The following HSD17B3 variants were observed in gnomAD, a reference collection of about 807,000 sequenced individuals.
HSD17B3 encodes 17-beta-hydroxysteroid dehydrogenase type 3.
Under a neutral mutation model 41.1 loss-of-function variants are expected in HSD17B3, and 29 were observed. The observed-to-expected ratio is 0.71, with a 90% CI of 0.53 to 0.96. HSD17B3 has a LOEUF of 0.96. HSD17B3 is among the 40% of genes least tolerant of loss of function. The pLI is 0.00. For missense variants in HSD17B3, 323 were observed against 374.6 expected, an observed-to-expected ratio of 0.86 and a Z score of 1.14; for synonymous variants, 126 against 145.6, an observed-to-expected ratio of 0.87 and a Z score of 0.97.
chr9:96,261,996 T>C (rs1825878300), intron 2 of HSD17B3, among the ~76,000 whole-genome samples: 1 of 152,150 alleles, frequency 6.6e-6, no homozygotes, highest in Non-Finnish European at 1.5e-5. Context: ...TGTTTGCATC[T>C]GAAAGTGACC....
At chr9:96,259,358 C>T (rs1379470512) in intron 2 of HSD17B3, among the ~76,000 whole-genome samples, 2 of 152,142 alleles carry the variant, frequency 1.3e-5, no homozygotes, top group Non-Finnish European at 2.9e-5. Flanking sequence ...GGTTCAATTC[C>T]TGTCTCTACC....
intron 2 of HSD17B3, among the ~76,000 whole-genome samples, chr9:96,294,152 C>T (rs954684549): frequency 1.3e-4 from 20 of 152,110 alleles, no homozygotes; most frequent in Admixed American, 5.9e-4. Flanking sequence ...CAATGGCTCA[C>T]GCCCATAATC....
chr9:96,262,787 T>A (rs1419143535), intron 2 of HSD17B3, among the ~76,000 whole-genome samples: 1 of 152,184 alleles, frequency 6.6e-6, no homozygotes, highest in Non-Finnish European at 1.5e-5. Flanking sequence ...TAATATTGCT[T>A]CCATTCCTTT....
chr9:96,267,530 G>A (rs182172342), intron 2 of HSD17B3, among the ~76,000 whole-genome samples: 7 of 151,952 alleles, frequency 4.6e-5, no homozygotes, highest in African/African-American at 9.7e-5. Flanking sequence ...AAAAGAACAC[G>A]CTGCTCCACA....
In HSD17B3 at chr9:96,235,459, GC is replaced by G. The variant is rs755928753; in HGVS notation, c.933del (p.Ter311TyrfsTer19). 10 of 1,608,936 alleles carry G rather than the reference GC, an allele frequency of 6.2e-6. No individual in the cohort carries two copies. The highest frequency in any genetic ancestry group is 8.5e-6 in the Non-Finnish European group (10 of 1,175,876). ...AYLKLNTKVR[*>X] is the part of the protein sequence containing the mutation. ...GTTGTGCTGGACTCCTCACCGCCTG[GC>G]TACCTGACCTTGGTGTTGAGCTTCA... On this transcript the variant is annotated frameshift_variant and stop_lost, in exon 11 of 11. Transcript: ENST00000375263. LOFTEE classifies it high-confidence loss of function.
chr9:96,270,178 T>C (rs1253118291), intron 2 of HSD17B3, among the ~76,000 whole-genome samples: 1 of 152,006 alleles, frequency 6.6e-6, no homozygotes, highest in Admixed American at 6.6e-5. Flanking sequence ...CAGGACTGAT[T>C]TTATCATTTT....
chr9:96,284,520 C>A (rs540748648), intron 2 of HSD17B3, among the ~76,000 whole-genome samples: 37 of 152,300 alleles, frequency 2.4e-4, no homozygotes, highest in Non-Finnish European at 4.6e-4. Context: ...ATTAGAGAAA[C>A]TGGTTATTTT....
chr9:96,269,271 T>G (rs1826151634), intron 2 of HSD17B3, among the ~76,000 whole-genome samples: 1 of 152,168 alleles, frequency 6.6e-6, no homozygotes, highest in South Asian at 2.1e-4. Context: ...GGACCACCAT[T>G]GTATATGCAG....
In HSD17B3 at chr9:96,238,696, T is replaced by C. The variant is rs990577667; in HGVS notation, c.822+2062A>G. Among the ~76,000 whole-genome samples, 3 of 151,616 alleles carry C rather than the reference T, an allele frequency of 2.0e-5. No individual in the cohort carries two copies. In the East Asian group the frequency reaches 5.8e-4, roughly 29 times the overall value. ...ATCTGTAATTTTTCTTTCCTGGAGA[T>C]AGTGGGAAGTGGGAGGAGAGAAAGA... On this transcript the variant is annotated intron_variant, in intron 10 of 10. Coordinates refer to ENST00000375263, the MANE Select transcript of HSD17B3 (RefSeq NM_000197.2).
intron 2 of HSD17B3, among the ~76,000 whole-genome samples, chr9:96,261,237 A>T (rs931119424): frequency 1.3e-5 from 2 of 152,248 alleles, no homozygotes; most frequent in African/African-American, 4.8e-5. Flanking sequence ...TTCAGGCAGT[A>T]GAAATGTAAG....
chr9:96,243,989 A>G (rs907764250), intron 9 of HSD17B3, among the ~76,000 whole-genome samples: 4 of 152,212 alleles, frequency 2.6e-5, no homozygotes, highest in African/African-American at 9.6e-5. Flanking sequence ...AGGGTCAGAG[A>G]GGAAAAGCCA....
chr9:96,279,913 G>C (rs1480883819), intron 2 of HSD17B3, among the ~76,000 whole-genome samples: 1 of 152,066 alleles, frequency 6.6e-6, no homozygotes, highest in Non-Finnish European at 1.5e-5. Context: ...GGGACTATAA[G>C]CGCCCGCCAC....
In HSD17B3 at chr9:96,264,940, T is replaced by C. The variant is rs1825998927; in HGVS notation, c.202-9997A>G. On this transcript the variant is annotated intron_variant, in intron 2 of 10. Coordinates refer to ENST00000375263, the MANE Select transcript of HSD17B3 (RefSeq NM_000197.2). ...CTGACAAAATAGTTTTATATTTTTA[T>C]GTTAAATTGTTAAAGAAAACTTTAT... 2.0e-5 allele frequency among the ~76,000 whole-genome samples: 3 copies of C among 152,224 alleles called. No homozygotes were observed. The South Asian group carries it at 6.2e-4, about 32-fold the overall frequency.
At chr9:96,258,924 C>T (rs1035824636) in intron 2 of HSD17B3, among the ~76,000 whole-genome samples, 1 of 152,150 alleles carries the variant, frequency 6.6e-6, no homozygotes, top group East Asian at 1.9e-4. Flanking sequence ...CTGTTTCTGT[C>T]TTATGTAGCA....
intron 2 of HSD17B3, among the ~76,000 whole-genome samples, chr9:96,293,708 C>T (rs1053031938): frequency 6.6e-6 from 1 of 151,494 alleles, no homozygotes; most frequent in African/African-American, 2.4e-5. Context: ...CTGTTTCTCT[C>T]GAGAACCATG....
chr9:96,240,860 A>G lies in HSD17B3; in HGVS notation c.720T>C (p.Asn240=). 1.2e-6 allele frequency: 2 copies of G among 1,614,206 alleles called. No homozygotes were observed. Among genetic ancestry groups the G allele is most frequent in the East Asian group, 4.5e-5 (2 of 44,890 alleles). Residue 240 remains asparagine (N), a synonymous_variant, in exon 10 of 11, where the codon AAT becomes AAC. Coordinates refer to ENST00000375263, the MANE Select transcript of HSD17B3 (RefSeq NM_000197.2). The part of the protein sequence containing the change: ...AVSTAMTKYL[N]TNVITKTADE... Reference sequence around the variant, plus strand: ...CAGCAGTCTTGGTTATCACATTTGTATTTAGATACTTTGTCATTGCAGTCG... The same window carrying G: ...CAGCAGTCTTGGTTATCACATTTGTGTTTAGATACTTTGTCATTGCAGTCG...
chr9:96,271,355 A>G (rs1243660782), intron 2 of HSD17B3, among the ~76,000 whole-genome samples: 4 of 152,212 alleles, frequency 2.6e-5, no homozygotes, highest in Admixed American at 2.6e-4. Flanking sequence ...CAAAAATTAA[A>G]CAATTTTTAA....
intron 2 of HSD17B3, among the ~76,000 whole-genome samples, chr9:96,286,164 C>G (rs923446470): frequency 6.6e-6 from 1 of 152,016 alleles, no homozygotes; most frequent in Non-Finnish European, 1.5e-5. Flanking sequence ...GCCAACATGA[C>G]AAAACTCCAT....
intron 2 of HSD17B3, among the ~76,000 whole-genome samples, chr9:96,270,767 A>T (rs1307665638): frequency 1.3e-5 from 2 of 152,238 alleles, no homozygotes; most frequent in Non-Finnish European, 2.9e-5. Flanking sequence ...GTATTGGGAG[A>T]TGGCACTAGA....
Sources: allele counts gnomAD v4.1 joint callset (sites outside exome capture counted in the v4.1 genomes callset), GRCh38; gene constraint gnomAD v4.1.1; transcripts MANE v1.5; gene names NCBI Gene and HGNC (gene_info 2026-07-23, HGNC 2026-07-21).